PEBP4: variants seen among roughly 807,000 people sequenced by gnomAD.
PEBP4 encodes the protein phosphatidylethanolamine binding protein 4, also known as phosphatidylethanolamine-binding protein 4.
PEBP4 carries 22 observed loss-of-function variants against 23.9 expected under a neutral mutation model. That is an observed-to-expected ratio of 0.92 (90% CI 0.66 to 1.31). The LOEUF is 1.31. Ranked by LOEUF, PEBP4 falls within the 40% of genes most tolerant of loss-of-function variation. The pLI, the probability that PEBP4 is intolerant of heterozygous loss-of-function variation, is 0.00. For missense variants in PEBP4, 324 were observed against 281.7 expected, an observed-to-expected ratio of 1.15 and a Z score of -1.07; for synonymous variants, 112 against 99.3, an observed-to-expected ratio of 1.13 and a Z score of -0.76.
At chr8:22,920,463 G>A (rs1005150704) in intron 2 of PEBP4, among the ~76,000 whole-genome samples, 153 bp from the exon 3 acceptor site, 1 of 152,180 alleles carries the variant, frequency 6.6e-6, no homozygotes, top group Non-Finnish European at 1.5e-5. Context: ...AGAGTTACTT[G>A]ACCTCCTTGT....
At chr8:22,752,451 A>G (rs893316658) in intron 4 of PEBP4, among the ~76,000 whole-genome samples, 1 of 152,362 alleles carries the variant, frequency 6.6e-6, no homozygotes, top group African/African-American at 2.4e-5. Flanking sequence ...TAAGGGAGCA[A>G]TCCAAAAGGC....
At chr8:22,740,701 C>T (rs556390033) in intron 4 of PEBP4, among the ~76,000 whole-genome samples, 1 of 152,276 alleles carries the variant, frequency 6.6e-6, no homozygotes, top group South Asian at 2.1e-4. Context: ...TCCCCTGGGG[C>T]TCACCCTTCC....
In PEBP4 at chr8:22,761,382, C is replaced by T. The variant is rs192433943; in HGVS notation, c.358-34162G>A. 5.6e-3 allele frequency among the ~76,000 whole-genome samples: 839 copies of T among 150,228 alleles called. 8 individuals are homozygous for T. The highest frequency in any genetic ancestry group is 0.019 in the African/African-American group (783 of 40,836). The stretch of plus-strand genomic sequence containing the variant: ...AAAGCATGTGTGGCTCCTGACATGG[C>T]GAGGGGAGGCTGGGGGGAGGCGGGG... On this transcript the variant is annotated intron_variant, in intron 4 of 6. Coordinates refer to ENST00000256404, the MANE Select transcript of PEBP4 (RefSeq NM_144962.3).
At chr8:22,787,187 G>A (rs1806046943) in intron 4 of PEBP4, among the ~76,000 whole-genome samples, 1 of 152,186 alleles carries the variant, frequency 6.6e-6, no homozygotes, top group Non-Finnish European at 1.5e-5. Context: ...GTAGGGGTGG[G>A]TTCCTCTAGG....
At chr8:22,780,900 A>G (rs1335274470) in intron 4 of PEBP4, among the ~76,000 whole-genome samples, 1 of 152,230 alleles carries the variant, frequency 6.6e-6, no homozygotes, top group African/African-American at 2.4e-5. Flanking sequence ...CCTGAACTGC[A>G]CACAGCCTGT....
chr8:22,881,807 C>T (rs1808263963), intron 3 of PEBP4, among the ~76,000 whole-genome samples: 1 of 152,214 alleles, frequency 6.6e-6, no homozygotes, highest in South Asian at 2.1e-4. Flanking sequence ...GGCCACGCTC[C>T]ATTACTACTT....
intron 6 of PEBP4, among the ~76,000 whole-genome samples, chr8:22,721,849 A>C (rs1804525352): frequency 6.6e-6 from 1 of 152,060 alleles, no homozygotes; most frequent in Non-Finnish European, 1.5e-5. Flanking sequence ...TGGGCTCCGT[A>C]AGTCCCCAGG....
At chr8:22,790,780 TATC>T in intron 4 of PEBP4, among the ~76,000 whole-genome samples, 1 of 152,284 alleles carries the variant, frequency 6.6e-6, no homozygotes. Context: ...TAGTTGCAAA[TATC>T]ATATAAAAAG....
intron 6 of PEBP4, among the ~76,000 whole-genome samples, chr8:22,721,709 C>T (rs752848433): frequency 5.3e-5 from 8 of 152,256 alleles, no homozygotes; most frequent in Non-Finnish European, 1.0e-4. Flanking sequence ...TGCCCCCCTC[C>T]CAACCCCTGA....
chr8:22,746,749 G>A (rs777623497), intron 4 of PEBP4, among the ~76,000 whole-genome samples: 4 of 152,092 alleles, frequency 2.6e-5, no homozygotes, highest in South Asian at 2.1e-4. Flanking sequence ...CCTCCAGATC[G>A]GTGCTGTCCA....
At chr8:22,919,429 T>C (rs190903984) in intron 3 of PEBP4, among the ~76,000 whole-genome samples, 9 of 152,290 alleles carry the variant, frequency 5.9e-5, no homozygotes, top group Admixed American at 5.9e-4. Context: ...GGGCTCAGTC[T>C]GGCCCAGGAG....
chr8:22,920,385 C>T (rs1480016790), intron 2 of PEBP4, 75 bp from the exon 3 acceptor site: 4 of 1,486,116 alleles, frequency 2.7e-6, no homozygotes, highest in Non-Finnish European at 3.7e-6. Flanking sequence ...TTCAGTCTAG[C>T]ACTATTGGGA....
chr8:22,811,730 AG>A (rs1806632604), intron 4 of PEBP4, among the ~76,000 whole-genome samples: 1 of 152,232 alleles, frequency 6.6e-6, no homozygotes, highest in Admixed American at 6.5e-5. Flanking sequence ...AAAGGCTTCC[AG>A]GCTCCAACAC....
intron 3 of PEBP4, among the ~76,000 whole-genome samples, chr8:22,872,010 A>G (rs923589607): frequency 3.9e-5 from 6 of 152,202 alleles, no homozygotes; most frequent in Non-Finnish European, 8.8e-5. Context: ...TCCCACTTAT[A>G]AGTGAAAACA....
At chr8:22,788,745 T>C (rs1420057928) in intron 4 of PEBP4, among the ~76,000 whole-genome samples, 1 of 152,224 alleles carries the variant, frequency 6.6e-6, no homozygotes, top group Non-Finnish European at 1.5e-5. Flanking sequence ...TTAGTTAACA[T>C]GTACCAAAAA....
intron 4 of PEBP4, among the ~76,000 whole-genome samples, chr8:22,740,759 C>T (rs1236125724): frequency 6.6e-6 from 1 of 152,206 alleles, no homozygotes; most frequent in African/African-American, 2.4e-5. Context: ...AGGTTGGGTT[C>T]CTGGGTGTTC....
At chr8:22,847,723 T>C (rs1377311473) in intron 3 of PEBP4, among the ~76,000 whole-genome samples, 2 of 152,064 alleles carry the variant, frequency 1.3e-5, no homozygotes, top group African/African-American at 4.8e-5. Context: ...TTGTCACCCC[T>C]AGGAACAGCA....
At position 22,857,372 on chromosome 8, in the gene PEBP4, C is replaced by T. The variant is rs570260980; in HGVS notation, c.259-39637G>A. 2.0e-5 allele frequency among the ~76,000 whole-genome samples: 3 copies of T among 152,352 alleles called. No individual in the cohort carries two copies. In the East Asian group the frequency reaches 5.8e-4, roughly 29 times the overall value. On this transcript the variant is annotated intron_variant, in intron 3 of 6. Transcript: ENST00000256404. ...TCACCTACCAATGCTATACCCTTCT[C>T]TCAGCCTCTTGCTCCCCATCACCCA...
chr8:22,770,485 T>A (rs1805696339), intron 4 of PEBP4, among the ~76,000 whole-genome samples: 1 of 152,192 alleles, frequency 6.6e-6, no homozygotes, highest in Non-Finnish European at 1.5e-5. Flanking sequence ...CTGCGCATCC[T>A]TGGAGGCCCA....
Sources: allele counts gnomAD v4.1 joint callset (sites outside exome capture counted in the v4.1 genomes callset), GRCh38; gene constraint gnomAD v4.1.1; transcripts MANE v1.5; gene names NCBI Gene and HGNC (gene_info 2026-07-23, HGNC 2026-07-21).